The following CAMK4 variants were observed in gnomAD, a reference collection of about 807,000 sequenced individuals.
The protein encoded by CAMK4 is calcium/calmodulin-dependent protein kinase type IV.
CAMK4 carries 22 observed loss-of-function variants against 44.9 expected under a neutral mutation model. The observed-to-expected ratio is 0.49, with a 90% CI of 0.35 to 0.70. CAMK4 has a LOEUF of 0.70. CAMK4 is among the 30% of genes least tolerant of loss of function. The pLI is 0.01. For missense variants in CAMK4, 498 were observed against 586.8 expected (o/e 0.85, Z 1.56); for synonymous variants, 218 against 215.4 (o/e 1.01, Z -0.11).
At chr5:111,370,613 T>C (rs1254472329) in intron 2 of CAMK4, among the ~76,000 whole-genome samples, 1 of 152,134 alleles carries the variant, frequency 6.6e-6, no homozygotes, top group East Asian at 1.9e-4. Flanking sequence ...CAAATACATT[T>C]ATTTGATATT....
chr5:111,443,279 T>TATATATATATATAC (rs1401315422), intron 5 of CAMK4, among the ~76,000 whole-genome samples: 1 of 37,478 alleles, frequency 2.7e-5, no homozygotes, highest in Non-Finnish European at 5.4e-5. Flanking sequence ...TATATATATA[T>TATATATATATATAC]ACACACACAC....
Position 111,328,641 on chromosome 5 carries a change from GA to G in CAMK4, c.162-15382del, listed in dbSNP as rs1749011250. Among the ~76,000 whole-genome samples the G allele has an allele frequency of 2.0e-5, 3 of 152,134 alleles. No individual in the cohort carries two copies. In the South Asian group the frequency reaches 6.2e-4, roughly 32 times the overall value. The stretch of plus-strand genomic sequence containing the variant: ...CACGATATTGATTCTTCCTACCCAT[GA>G]GCATGGAATGTTCTTCCATTTGTTT... On this transcript the variant is annotated intron_variant, in intron 1 of 10. Transcript: ENST00000282356.
In CAMK4 at chr5:111,439,530, T is replaced by C. The variant is rs146885868; in HGVS notation, c.460-7156T>C. ...AATTGGATCGTATCATTTGTAGGGA[T>C]TGGGAATACAGGTACAGAAGAAGCA... On this transcript the variant is annotated intron_variant, in intron 5 of 10. Transcript: ENST00000282356. Among the ~76,000 whole-genome samples, 201 of 152,188 alleles carry C rather than the reference T, an allele frequency of 1.3e-3. 1 individual carries two copies. The highest frequency in any genetic ancestry group is 4.6e-3 in the African/African-American group (191 of 41,520).
At chr5:111,470,072 T>C (rs1456821010) in intron 7 of CAMK4, among the ~76,000 whole-genome samples, 3 of 152,252 alleles carry the variant, frequency 2.0e-5, no homozygotes, top group African/African-American at 7.2e-5. Context: ...ATGTGTGCAT[T>C]CGGCTCCTTG....
At chr5:111,479,364 T>C (rs1010112780) in intron 9 of CAMK4, among the ~76,000 whole-genome samples, 5 of 149,530 alleles carry the variant, frequency 3.3e-5, no homozygotes, top group Admixed American at 6.7e-5. Context: ...TGACATTTGT[T>C]TGCATTCAGG....
At chr5:111,412,526 A>G (rs1442681646) in intron 5 of CAMK4, among the ~76,000 whole-genome samples, 5 of 152,246 alleles carry the variant, frequency 3.3e-5, no homozygotes, top group African/African-American at 4.8e-5. Flanking sequence ...CCAGTATTTA[A>G]CACTAGAGGA....
chr5:111,391,055 G>A (rs1243381017), intron 4 of CAMK4, among the ~76,000 whole-genome samples: 2 of 152,086 alleles, frequency 1.3e-5, no homozygotes, highest in Non-Finnish European at 2.9e-5. Flanking sequence ...AAAGTACAAG[G>A]GGTGCACCTG....
At chr5:111,469,336 G>A (rs1305671075) in intron 7 of CAMK4, among the ~76,000 whole-genome samples, 1 of 151,246 alleles carries the variant, frequency 6.6e-6, no homozygotes, top group Non-Finnish European at 1.5e-5. Context: ...ATTATGGATG[G>A]CATAAACATT....
chr5:111,287,223 C>A (rs1751273052), intron 1 of CAMK4, among the ~76,000 whole-genome samples: 3 of 152,068 alleles, frequency 2.0e-5, no homozygotes, highest in Admixed American at 1.3e-4. Context: ...CTAGGAGAAA[C>A]CTGAATAGGG....
At chr5:111,385,417 T>C (rs1751562665) in intron 4 of CAMK4, among the ~76,000 whole-genome samples, 1 of 152,100 alleles carries the variant, frequency 6.6e-6, no homozygotes, top group Non-Finnish European at 1.5e-5. Flanking sequence ...GGCAAAATGA[T>C]GTTCAAAAGC....
intron 4 of CAMK4, among the ~76,000 whole-genome samples, chr5:111,388,687 A>G (rs910157566): frequency 3.3e-5 from 5 of 152,152 alleles, no homozygotes; most frequent in African/African-American, 7.2e-5. Context: ...TACTTATACC[A>G]AGAGAAAGCC....
In CAMK4 at chr5:111,410,048, T is replaced by G. The variant is rs541453967; in HGVS notation, c.459+15266T>G. 6.6e-5 allele frequency among the ~76,000 whole-genome samples: 10 copies of G among 152,344 alleles called. No homozygotes were observed. The South Asian group carries it at 2.1e-3, about 32-fold the overall frequency. ...CTTCTTCTGAGCCCTCTAAACTCTT[T>G]CAACCTCTGACTGTTGCCCAGTTCC... On this transcript the variant is annotated intron_variant, in intron 5 of 10. Coordinates refer to ENST00000282356, the MANE Select transcript of CAMK4 (RefSeq NM_001744.6).
chr5:111,440,968 A>G (rs1753803488), intron 5 of CAMK4, among the ~76,000 whole-genome samples: 1 of 152,198 alleles, frequency 6.6e-6, no homozygotes, highest in African/African-American at 2.4e-5. Flanking sequence ...AAGTAATTAC[A>G]CACCTCATTT....
Position 111,299,079 on chromosome 5 carries a change from T to C in CAMK4, c.162-44945T>C, listed in dbSNP as rs138265003. ...GTTATAAATTCAGGGCTCTGCCCTA[T>C]AGGCACATGTCCCTACCTGGAAGAT... On this transcript the variant is annotated intron_variant, in intron 1 of 10. Transcript: ENST00000282356. 3.8e-3 allele frequency among the ~76,000 whole-genome samples: 583 copies of C among 152,364 alleles called. 7 individuals are homozygous for C. The highest frequency in any genetic ancestry group is 0.013 in the African/African-American group (537 of 41,596).
intron 1 of CAMK4, among the ~76,000 whole-genome samples, chr5:111,238,808 CTTTTTTTT>C (rs57552178): frequency 8.7e-5 from 4 of 45,940 alleles, no homozygotes; most frequent in African/African-American, 2.7e-4. Context: ...AGAGGCTCTT[CTTTTTTTT>C]TTTTTTTTTT....
chr5:111,312,909 T>C (rs942449419), intron 1 of CAMK4, among the ~76,000 whole-genome samples: 48 of 152,130 alleles, frequency 3.2e-4, no homozygotes, highest in African/African-American at 1.1e-3. Flanking sequence ...TTTTTTGTCT[T>C]TGGGCAAATA....
chr5:111,401,209 G>T (rs1752212256), intron 5 of CAMK4, among the ~76,000 whole-genome samples: 1 of 152,096 alleles, frequency 6.6e-6, no homozygotes. Context: ...TGTGATCTTG[G>T]CCCACTGCAA....
chr5:111,363,964 A>C (rs1750695240), intron 2 of CAMK4, among the ~76,000 whole-genome samples: 1 of 152,138 alleles, frequency 6.6e-6, no homozygotes, highest in Non-Finnish European at 1.5e-5. Context: ...GTAAGGATCA[A>C]AGCAGTGAGG....
intron 3 of CAMK4, 103 bp from the exon 4 acceptor site, chr5:111,376,757 C>A (rs1037288828): frequency 2.1e-5 from 12 of 580,798 alleles, no homozygotes; most frequent in Non-Finnish European, 3.3e-5. Flanking sequence ...AGTGATCCAA[C>A]ATATTACTAC....
Sources: gnomAD v4.1 joint callset for allele counts (sites outside exome capture counted in the v4.1 genomes callset) on GRCh38, gnomAD v4.1.1 for gene constraint, MANE v1.5 for transcripts, NCBI Gene and HGNC (gene_info 2026-07-23, HGNC 2026-07-21) for gene names.